SNTG1: variants seen among roughly 807,000 people sequenced by gnomAD.
The protein encoded by SNTG1 is syntrophin gamma 1, also known as gamma-1-syntrophin.
A neutral mutation model predicts 74.7 loss-of-function variants in SNTG1; 39 were observed. That is an observed-to-expected ratio of 0.52 (90% CI 0.40 to 0.68). The LOEUF (loss-of-function observed/expected upper bound fraction) is 0.68. SNTG1 is among the 30% of genes least tolerant of loss of function. The pLI is 0.00. For missense variants in SNTG1, 685 were observed against 609.5 expected, an observed-to-expected ratio of 1.12 and a Z score of -1.30; for synonymous variants, 254 against 217.1, an observed-to-expected ratio of 1.17 and a Z score of -1.49.
At chr8:49,974,030 T>C (rs1811963067) in intron 1 of SNTG1, among the ~76,000 whole-genome samples, 1 of 152,210 alleles carries the variant, frequency 6.6e-6, no homozygotes, top group African/African-American at 2.4e-5. Flanking sequence ...TTTGAATTCA[T>C]TAAGAGTATT....
chr8:50,424,215 C>T (rs189493040), intron 4 of SNTG1, among the ~76,000 whole-genome samples: 50 of 152,160 alleles, frequency 3.3e-4, no homozygotes, highest in African/African-American at 1.1e-3. Context: ...TGCCAGGTAC[C>T]CTCCCTCAGC....
At chr8:50,390,105 A>G (rs1461815819) in intron 2 of SNTG1, among the ~76,000 whole-genome samples, 7 of 150,846 alleles carry the variant, frequency 4.6e-5, no homozygotes, top group African/African-American at 1.7e-4. Context: ...CCATTTGTCA[A>G]TTTTGGCTTT....
At chr8:50,456,391 T>G (rs549430005) in intron 8 of SNTG1, among the ~76,000 whole-genome samples, 69 of 152,236 alleles carry the variant, frequency 4.5e-4, no homozygotes, top group African/African-American at 1.5e-3. Flanking sequence ...TAGAGGCTTT[T>G]TTTTTTCCCT....
chr8:50,611,860 G>A (rs991070472), intron 13 of SNTG1, among the ~76,000 whole-genome samples: 7 of 152,042 alleles, frequency 4.6e-5, no homozygotes, highest in Admixed American at 2.0e-4. Context: ...TTGACCTCCT[G>A]GGTTCAAACA....
chr8:50,340,648 A>G (rs1405778194), intron 2 of SNTG1, among the ~76,000 whole-genome samples: 1 of 152,018 alleles, frequency 6.6e-6, no homozygotes, highest in Non-Finnish European at 1.5e-5. Context: ...CAGAATATCT[A>G]GATGAACTTA....
At chr8:50,592,347 T>C (rs1363541620) in intron 13 of SNTG1, among the ~76,000 whole-genome samples, 3 of 152,216 alleles carry the variant, frequency 2.0e-5, no homozygotes, top group Non-Finnish European at 4.4e-5. Context: ...TAGAGCTGTG[T>C]CGTCACCCTC....
chr8:50,433,664 T>A (rs2131540895), intron 4 of SNTG1, among the ~76,000 whole-genome samples: 1 of 152,306 alleles, frequency 6.6e-6, no homozygotes, highest in South Asian at 2.1e-4. Flanking sequence ...ACCAGTGGGT[T>A]GCTGTGATAA....
chr8:50,256,188 T>C (rs762951910), intron 2 of SNTG1, among the ~76,000 whole-genome samples: 4 of 111,618 alleles, frequency 3.6e-5, no homozygotes, highest in Non-Finnish European at 8.7e-5. Context: ...TTTTGCTATA[T>C]ATTGTGAGTA....
intron 2 of SNTG1, among the ~76,000 whole-genome samples, chr8:50,240,634 G>A (rs2129650463): frequency 6.6e-6 from 1 of 152,202 alleles, no homozygotes; most frequent in East Asian, 1.9e-4. Flanking sequence ...AGAGGATCCT[G>A]GAGCTCAGTC....
At chr8:50,367,803 G>T (rs2092157591) in intron 2 of SNTG1, among the ~76,000 whole-genome samples, 1 of 151,916 alleles carries the variant, frequency 6.6e-6, no homozygotes, top group African/African-American at 2.4e-5. Context: ...ACGCACACAT[G>T]CACCCTACTG....
intron 18 of SNTG1, among the ~76,000 whole-genome samples, chr8:50,781,631 A>G (rs1400113362): frequency 1.3e-5 from 2 of 152,186 alleles, no homozygotes; most frequent in Non-Finnish European, 2.9e-5. Context: ...TGAATACAGC[A>G]CATTGGTGGG....
rs79084196 is a variant in SNTG1, at chr8:50,642,525, C to T, written c.850-14384C>T. ...CAACTACTCTCTTCAAACAATTTTT[C>T]AGTAACCATAACCATAATGGACTCA... On this transcript the variant is annotated intron_variant, in intron 13 of 18. Transcript: ENST00000642720. 5.3e-4 allele frequency among the ~76,000 whole-genome samples: 80 copies of T among 152,238 alleles called. 1 individual carries two copies. Among genetic ancestry groups the T allele is most frequent in the African/African-American group, 1.7e-3 (70 of 41,562 alleles).
intron 1 of SNTG1, among the ~76,000 whole-genome samples, chr8:50,073,132 T>G (rs1029925782): frequency 4.6e-5 from 7 of 152,182 alleles, no homozygotes; most frequent in Admixed American, 4.6e-4. Context: ...GCAATTCTGT[T>G]TGATGGCACT....
At chr8:50,631,072 C>T (rs75828909) in intron 13 of SNTG1, among the ~76,000 whole-genome samples, 1 of 152,230 alleles carries the variant, frequency 6.6e-6, no homozygotes, top group Non-Finnish European at 1.5e-5. Flanking sequence ...GGCCCTCTTA[C>T]GGGGATAGGA....
intron 5 of SNTG1, among the ~76,000 whole-genome samples, chr8:50,447,559 C>T (rs757067826): frequency 6.6e-6 from 1 of 152,114 alleles, no homozygotes; most frequent in Non-Finnish European, 1.5e-5. Context: ...AGTGACCTTA[C>T]GCTGGGCCTG....
At chr8:50,141,241 T>C (rs1401508797) in intron 1 of SNTG1, among the ~76,000 whole-genome samples, 1 of 152,198 alleles carries the variant, frequency 6.6e-6, no homozygotes, top group African/African-American at 2.4e-5. Context: ...AGTGCAGGAT[T>C]GCTACATCAG....
intron 12 of SNTG1, among the ~76,000 whole-genome samples, chr8:50,554,451 T>A (rs1425398913): frequency 6.6e-6 from 1 of 151,972 alleles, no homozygotes; most frequent in Non-Finnish European, 1.5e-5. Context: ...GAAATGTGCT[T>A]CCAGTGTGAA....
chr8:50,011,385 G>A (rs1205217291), intron 1 of SNTG1, among the ~76,000 whole-genome samples: 1 of 152,140 alleles, frequency 6.6e-6, no homozygotes, highest in African/African-American at 2.4e-5. Context: ...GCCCAATGCA[G>A]GGAGGTGCCA....
At chr8:49,975,101 C>T (rs890864503) in intron 1 of SNTG1, among the ~76,000 whole-genome samples, 3 of 152,114 alleles carry the variant, frequency 2.0e-5, no homozygotes, top group Admixed American at 6.6e-5. Flanking sequence ...AATCATGGCT[C>T]TCTTCCAAAT....
Sources: gnomAD v4.1 joint callset for allele counts (sites outside exome capture counted in the v4.1 genomes callset) on GRCh38, gnomAD v4.1.1 for gene constraint, MANE v1.5 for transcripts, NCBI Gene and HGNC (gene_info 2026-07-23, HGNC 2026-07-21) for gene names.